INPPL1: variants seen among roughly 807,000 people sequenced by gnomAD.
INPPL1 encodes inositol polyphosphate phosphatase like 1, also known as phosphatidylinositol 3,4,5-trisphosphate 5-phosphatase 2.
Under a neutral mutation model 139.3 loss-of-function variants are expected in INPPL1, and 91 were observed. That is an observed-to-expected ratio of 0.65 (90% confidence interval 0.55 to 0.78). The LOEUF (loss-of-function observed/expected upper bound fraction) is 0.78, where lower values mean the gene tolerates loss of function less well. Ranked by LOEUF, INPPL1 falls within the 30% of genes least tolerant of loss-of-function variation. The pLI is 0.00. For synonymous variants in INPPL1, 719 were observed against 686.6 expected (o/e 1.05, Z -0.74); for missense variants, 1,411 against 1,665.6 (o/e 0.85, Z 2.66).
In INPPL1 at chr11:72,237,609, C is replaced by G; in HGVS notation, c.3365C>G (p.Ser1122Trp). 6.2e-7 allele frequency: 1 copy of G among 1,603,876 alleles called. No individual in the cohort carries two copies. The highest frequency in any genetic ancestry group is 1.1e-5 in the South Asian group (1 of 90,368). Reference protein sequence around the residue: ...EVASGDDRSCSVLQMAKTLSE... With the variant: ...EVASGDDRSCWVLQMAKTLSE... ...GCCAGTGGGGATGACCGGTCCTGCT[C>G]GGTGCTGCAGATGGCCAAGACGCTG... The change falls in exon 26 of 28, where the codon TCG becomes TGG. Residue 1122 changes from serine (S) to tryptophan (W), a missense_variant. This residue lies in a region of INPPL1 where 438 missense variants were observed against 425.7 expected (regional missense o/e 1.03). Coordinates refer to ENST00000298229, the MANE Select transcript of INPPL1 (RefSeq NM_001567.4).
intron 14 of INPPL1, 33 bp from the exon 15 acceptor site, chr11:72,232,593 C>T (rs1197327953): frequency 6.2e-7 from 1 of 1,608,098 alleles, no homozygotes; most frequent in Non-Finnish European, 8.5e-7. Context: ...CCCTGGGGAT[C>T]TACCCCTCCC....
chr11:72,227,446 T>A (rs1202704567), intron 1 of INPPL1, among the ~76,000 whole-genome samples: 1 of 152,148 alleles, frequency 6.6e-6, no homozygotes, highest in Non-Finnish European at 1.5e-5. Context: ...TGACAGACAC[T>A]CACCCAGCAT....
Position 72,233,761 on chromosome 11 carries a change from T to G in INPPL1, c.2212+17T>G. ...CCAAGAAAGGTGACTGTTCCAGATA[T>G]GCTTGTGGGTGTGGCATAATCTAGG... On this transcript the variant is annotated intron_variant, in intron 19 of 27. Transcript: ENST00000298229. The G allele has an allele frequency of 1.2e-6, 2 of 1,606,556 alleles. No individual in the cohort carries two copies. Among genetic ancestry groups the G allele is most frequent in the Non-Finnish European group, 1.7e-6 (2 of 1,173,080 alleles).
Position 72,232,675 on chromosome 11 carries a change from C to T in INPPL1, c.1762C>T (p.Arg588Trp), listed in dbSNP as rs1380449984. ...DILRLLSLGD[R>W]QLNAFDISLR... ...CCTGCGGCTGCTCTCGCTGGGCGACCGGCAGCTCAATGCCTTTGACATCTC... is the reference window on the plus strand; with the variant it reads ...CCTGCGGCTGCTCTCGCTGGGCGACTGGCAGCTCAATGCCTTTGACATCTC... Residue 588 changes from arginine to tryptophan, a missense_variant, in exon 15 of 28, where the codon CGG (arginine) becomes TGG (tryptophan). By Grantham distance (101) the Arg-to-Trp change is moderately radical. Transcript: ENST00000298229. The T allele has an allele frequency of 6.2e-6, 10 of 1,613,958 alleles. No homozygotes were observed. Among genetic ancestry groups the T allele is most frequent in the Admixed American group, 1.7e-5 (1 of 60,016 alleles).
At chr11:72,225,308 T>G (rs1300506903) in intron 1 of INPPL1, 142 bp downstream of exon 1, 1 of 1,222,434 alleles carries the variant, frequency 8.2e-7, no homozygotes, top group Non-Finnish European at 1.0e-6. Context: ...AGCCTTGGCT[T>G]TCTCCTGGGT....
chr11:72,229,008 G>T lies in INPPL1; in HGVS notation c.519-82G>T. 3.3e-6 allele frequency: 5 copies of T among 1,534,532 alleles called. No homozygotes were observed. In the South Asian group the frequency reaches 5.0e-5, roughly 15 times the overall value. On this transcript the variant is annotated intron_variant, in intron 4 of 27. Transcript: ENST00000298229. ...ATCCATCCCGCCCTGGTTGCCACAG[G>T]TACTATCTCCTCTAGGGATGGGGCA...
At chr11:72,225,618 T>C (rs1159253062) in intron 1 of INPPL1, 1 of 790,918 alleles carries the variant, frequency 1.3e-6, no homozygotes, top group African/African-American at 1.9e-5. Context: ...AGGGCCCCTT[T>C]CGGTGCTTTG....
chr11:72,235,360 AT>A lies in INPPL1; in HGVS notation c.2569del (p.Ser857ProfsTer14), dbSNP rs1948956492. ...CGGCCCAACAGTTCCTGACCTTCCT[AT>A]CCCACCGTGGCGAGGAGACAGGCAA... is the stretch of plus-strand genomic sequence containing the variant. ...STAQQFLTFL[S>X]HRGEETGNIR... On this transcript the variant is annotated frameshift_variant, in exon 23 of 28. Coordinates refer to ENST00000298229, the MANE Select transcript of INPPL1 (RefSeq NM_001567.4). LOFTEE classifies it high-confidence loss of function. This position sits in a 1 kb window ranked among gnomAD's most constrained non-coding sequence, Gnocchi z 4.9. 6.2e-7 allele frequency: 1 copy of A among 1,613,872 alleles called. No homozygotes were observed.
intron 26 of INPPL1, 40 bp downstream of exon 26, chr11:72,237,836 T>A: frequency 6.4e-7 from 1 of 1,553,292 alleles, no homozygotes; most frequent in Non-Finnish European, 8.7e-7. Context: ...TGCCTGAGTG[T>A]GCTTGCCCAC....
intron 17 of INPPL1, 136 bp downstream of exon 17, chr11:72,233,299 G>A: frequency 9.6e-7 from 1 of 1,038,384 alleles, no homozygotes; most frequent in South Asian, 1.4e-5. Flanking sequence ...GTGATCCTGG[G>A]TATTTTGAGG....
chr11:72,230,815 A>G lies in INPPL1; in HGVS notation c.1217A>G (p.Gln406Arg). Reference sequence around the variant, plus strand: ...CCCCAGAAGCGGGAGGCCTTCTGCCAGCTGTTGCAGCTCATGAAGAACAAG... The same window carrying G: ...CCCCAGAAGCGGGAGGCCTTCTGCCGGCTGTTGCAGCTCATGAAGAACAAG... ...VSARKREAFCQLLQLMKNKHS... is the reference protein window; with the variant it reads ...VSARKREAFCRLLQLMKNKHS... The change falls in exon 11 of 28, where the codon CAG (glutamine) becomes CGG (arginine). Residue 406 changes from glutamine to arginine, a missense_variant. Around this residue, in one of 5 missense-constraint regions of INPPL1, gnomAD observed 504 missense variants for 595.6 expected, o/e 0.85. Coordinates refer to ENST00000298229, the MANE Select transcript of INPPL1 (RefSeq NM_001567.4). The G allele has an allele frequency of 1.9e-6, 3 of 1,613,998 alleles. No homozygotes were observed. Among genetic ancestry groups the G allele is most frequent in the Non-Finnish European group, 2.5e-6 (3 of 1,179,966 alleles).
intron 25 of INPPL1, 58 bp from the exon 26 acceptor site, chr11:72,237,066 C>T: frequency 6.8e-7 from 1 of 1,470,324 alleles, no homozygotes; most frequent in Non-Finnish European, 9.1e-7. Context: ...CCACTGCTTC[C>T]ACTGCCTTAG....
rs367958359 is a variant in INPPL1 at position 72,230,816 on chromosome 11, G to T, written c.1218G>T (p.Gln406His). Residue 406 changes from glutamine (Q) to histidine (H), a missense_variant, in exon 11 of 28, where the codon CAG becomes CAT. Transcript: ENST00000298229. ...CCCAGAAGCGGGAGGCCTTCTGCCA[G>T]CTGTTGCAGCTCATGAAGAACAAGC... is the stretch of plus-strand genomic sequence containing the variant. ...VSARKREAFC[Q>H]LLQLMKNKHS... 1.2e-6 allele frequency: 2 copies of T among 1,614,000 alleles called. No individual in the cohort carries two copies. Among genetic ancestry groups the T allele is most frequent in the Non-Finnish European group, 1.7e-6 (2 of 1,179,974 alleles).
chr11:72,232,988 T>C lies in INPPL1; in HGVS notation c.1951+14T>C. 1 of 1,613,190 alleles carries C rather than the reference T, an allele frequency of 6.2e-7. No homozygotes were observed. Among genetic ancestry groups the C allele is most frequent in the Non-Finnish European group, 8.5e-7 (1 of 1,179,170 alleles). ...TCCTTCGATTCAGTGAGTGTGGGCC[T>C]GGTAGGTGGTGATCTGAGGGCTAGG... On this transcript the variant is annotated intron_variant, in intron 16 of 27. Coordinates refer to ENST00000298229, the MANE Select transcript of INPPL1 (RefSeq NM_001567.4).
chr11:72,238,307 C>A lies in INPPL1; in HGVS notation c.3731C>A (p.Pro1244Gln), dbSNP rs1464980666. ...EDLEEAGVQD[P>Q]AHKRLLLDTL... ...TTGGAGGAGGCTGGGGTGCAGGACC[C>A]GGCTCACAAGCGCCTCCTTCTGGAC... Residue 1244 changes from proline (P) to glutamine (Q), a missense_variant, in exon 28 of 28, where the codon CCG becomes CAG. Pro to Gln is a moderately conservative substitution (Grantham distance 76). Transcript: ENST00000298229. 1.3e-6 allele frequency: 2 copies of A among 1,597,522 alleles called. No homozygotes were observed. The highest frequency in any genetic ancestry group is 8.5e-7 in the Non-Finnish European group (1 of 1,173,178).
intron 17 of INPPL1, 29 bp downstream of exon 17, chr11:72,233,192 G>C (rs371909039): frequency 1.7e-4 from 264 of 1,591,412 alleles, no homozygotes; most frequent in Non-Finnish European, 2.2e-4. Context: ...ATGGGCCTTG[G>C]GGGACCGCAG....
rs1315882631 is a variant in INPPL1, at chr11:72,224,858, C to T, written c.-127C>T. 6 of 607,268 alleles carry T rather than the reference C, an allele frequency of 9.9e-6. No individual in the cohort carries two copies. The Admixed American group carries it at 2.9e-4, about 30-fold the overall frequency. The allele number at this position is 607,268 out of a possible 1,614,324, so 37.6% of individuals were successfully genotyped here. A position where few individuals can be genotyped will look rare whatever the true frequency, so the allele number is the denominator to read the frequency against. ...GCGGCGGAGTGCTGAGTCCCGATCC[C>T]CGGCTCTGTCCGGCCCACGGATCCT... On this transcript the variant is annotated 5_prime_UTR_variant, in exon 1 of 28. Transcript: ENST00000298229.
At chr11:72,229,303 A>G (rs1288953512) in intron 5 of INPPL1, 73 bp downstream of exon 5, 3 of 1,493,574 alleles carry the variant, frequency 2.0e-6, no homozygotes, top group African/African-American at 2.8e-5. Flanking sequence ...CCGGCTGCAC[A>G]GGTGCCCTGA....
In INPPL1 at chr11:72,228,115, G is replaced by T. The variant is rs754645075; in HGVS notation, c.183-75G>T. The T allele has an allele frequency of 2.0e-5, 31 of 1,525,312 alleles. No individual in the cohort carries two copies. Among genetic ancestry groups the T allele is most frequent in the Non-Finnish European group, 2.6e-5 (29 of 1,100,236 alleles). 94.5% of individuals were successfully genotyped at this position (1,525,312 alleles called of 1,614,324 possible). On this transcript the variant is annotated intron_variant, in intron 1 of 27. Transcript: ENST00000298229. This position sits in a 1 kb window ranked among gnomAD's most constrained non-coding sequence, Gnocchi z 5.0. Reference sequence around the variant, plus strand: ...AGGGGGTTGGGGTGCTGAGCTTGCTGGCAGGAGGAAGGGGTGCTTTGGGTC... The same window carrying T: ...AGGGGGTTGGGGTGCTGAGCTTGCTTGCAGGAGGAAGGGGTGCTTTGGGTC...
Sources: gnomAD v4.1 joint callset for allele counts (sites outside exome capture counted in the v4.1 genomes callset) on GRCh38, gnomAD v4.1.1 for gene constraint, gnomAD v4.1.1 regional missense constraint, Gnocchi (gnomAD v3.1) non-coding constraint, MANE v1.5 for transcripts, NCBI Gene and HGNC (gene_info 2026-07-23, HGNC 2026-07-21) for gene names.